The following CTTNBP2 variants were observed in gnomAD, a reference collection of about 807,000 sequenced individuals.
The protein encoded by CTTNBP2 is cortactin-binding protein 2.
A neutral mutation model predicts 156.9 loss-of-function variants in CTTNBP2; 108 were observed. The ratio of observed to expected loss-of-function variants is 0.69; its 90% CI spans 0.59 to 0.81. CTTNBP2 has a LOEUF of 0.81. CTTNBP2 is among the 30% of genes least tolerant of loss of function. The probability of loss-of-function intolerance (pLI) is 0.00; values close to 1 mark genes in which losing one functional copy is unlikely to be tolerated. For synonymous variants in CTTNBP2, 767 were observed against 751.8 expected (o/e 1.02, Z -0.33); for missense variants, 1,924 against 2,035.4 (o/e 0.95, Z 1.05).
At position 117,861,272 on chromosome 7, in the gene CTTNBP2, C is replaced by T. The variant is rs767966354; in HGVS notation, c.126G>A (p.Arg42=). 1 of 1,613,854 alleles carries T rather than the reference C, an allele frequency of 6.2e-7. No homozygotes were observed. The highest frequency in any genetic ancestry group is 8.5e-7 in the Non-Finnish European group (1 of 1,179,938). The change falls in exon 2 of 23, where the codon CGG becomes CGA. Residue 42 remains arginine, a synonymous_variant. Transcript: ENST00000160373. ...DVDTLSKSEL[R]MLLSVMEGEL... ...CCCCTTCCATCACGCTGAGGAGCAT[C>T]CGCAGCTCGGATTTACTGAGAGTAT...
At chr7:117,756,662 TG>T in intron 11 of CTTNBP2, 28 bp from the exon 12 acceptor site, 1 of 1,401,514 alleles carries the variant, frequency 7.1e-7, no homozygotes, top group Non-Finnish European at 1.0e-6. Flanking sequence ...CGAAGAAAAA[TG>T]GGTGTTCCCT....
chr7:117,740,939 G>A (rs906063141), intron 14 of CTTNBP2, among the ~76,000 whole-genome samples: 3 of 152,216 alleles, frequency 2.0e-5, no homozygotes, highest in Non-Finnish European at 4.4e-5. Flanking sequence ...TGGAGGTAGA[G>A]TGGGTTTTAG....
intron 2 of CTTNBP2, among the ~76,000 whole-genome samples, chr7:117,824,451 G>A (rs563425972): frequency 5.9e-5 from 9 of 151,946 alleles, no homozygotes; most frequent in Non-Finnish European, 1.0e-4. Context: ...ACTGGGTTCC[G>A]GGAGATCTTC....
chr7:117,767,033 A>T (rs770652872), intron 9 of CTTNBP2, 26 bp downstream of exon 9: 10 of 1,241,406 alleles, frequency 8.1e-6, no homozygotes, highest in African/African-American at 1.5e-5. Context: ...GGGAAAGATA[A>T]ACAATAAGCT....
At chr7:117,712,983 C>A (rs1289962418) in intron 22 of CTTNBP2, among the ~76,000 whole-genome samples, 1 of 152,172 alleles carries the variant, frequency 6.6e-6, no homozygotes, top group African/African-American at 2.4e-5. Context: ...CGGGGGCGAG[C>A]CAGTATTACC....
chr7:117,822,670 G>A (rs929019513), intron 2 of CTTNBP2, among the ~76,000 whole-genome samples: 21 of 152,104 alleles, frequency 1.4e-4, no homozygotes, highest in African/African-American at 2.2e-4. Flanking sequence ...GGAATTTTCC[G>A]AAATAGCTAA....
chr7:117,824,071 G>A (rs905970320), intron 2 of CTTNBP2, among the ~76,000 whole-genome samples: 2 of 151,280 alleles, frequency 1.3e-5, no homozygotes, highest in Admixed American at 6.6e-5. Context: ...ATGCTTAGGC[G>A]GTAACCCTCA....
At chr7:117,838,367 C>G (rs2117117850) in intron 2 of CTTNBP2, among the ~76,000 whole-genome samples, 1 of 152,222 alleles carries the variant, frequency 6.6e-6, no homozygotes, top group East Asian at 1.9e-4. Flanking sequence ...AGGCATGGCA[C>G]AAAACATGAG....
At chr7:117,819,244 G>A (rs1003948382) in intron 2 of CTTNBP2, among the ~76,000 whole-genome samples, 1 of 151,934 alleles carries the variant, frequency 6.6e-6, no homozygotes, top group Non-Finnish European at 1.5e-5. Context: ...TAAATAAAAG[G>A]GAATGGGAAG....
intron 1 of CTTNBP2, among the ~76,000 whole-genome samples, chr7:117,863,973 C>G (rs928335249): frequency 6.6e-6 from 1 of 152,076 alleles, no homozygotes; most frequent in South Asian, 2.1e-4. Flanking sequence ...GCTGGTTGCT[C>G]TAAAGATTTT....
chr7:117,805,314 G>A (rs1047631479), intron 3 of CTTNBP2, among the ~76,000 whole-genome samples: 1 of 152,092 alleles, frequency 6.6e-6, no homozygotes, highest in Non-Finnish European at 1.5e-5. Context: ...TAGCAGTAAG[G>A]AAGAAATACA....
intron 2 of CTTNBP2, among the ~76,000 whole-genome samples, chr7:117,830,391 A>T (rs762675313): frequency 1.3e-5 from 2 of 152,132 alleles, no homozygotes; most frequent in Non-Finnish European, 2.9e-5. Context: ...AAGGTCAAAA[A>T]ATTCATTAGC....
intron 19 of CTTNBP2, among the ~76,000 whole-genome samples, chr7:117,723,574 A>G (rs998352243): frequency 3.9e-5 from 6 of 152,166 alleles, no homozygotes; most frequent in East Asian, 1.9e-4. Flanking sequence ...GACATTTATA[A>G]TTTATATAAT....
At chr7:117,725,025 C>G in intron 18 of CTTNBP2, 27 bp downstream of exon 18, 3 of 1,601,114 alleles carry the variant, frequency 1.9e-6, no homozygotes, top group Admixed American at 1.7e-5. Context: ...TGTGAATTTC[C>G]TCTCCTCTCT....
At chr7:117,716,555 G>T (rs1234262369) in intron 22 of CTTNBP2, among the ~76,000 whole-genome samples, 1 of 152,046 alleles carries the variant, frequency 6.6e-6, no homozygotes, top group African/African-American at 2.4e-5. Flanking sequence ...GATAGCAAAG[G>T]GATGGGCCCT....
At chr7:117,857,388 C>T (rs977292667) in intron 2 of CTTNBP2, among the ~76,000 whole-genome samples, 1 of 152,118 alleles carries the variant, frequency 6.6e-6, no homozygotes, top group African/African-American at 2.4e-5. Flanking sequence ...ATATTGCAAT[C>T]TCTTAACATC....
At chr7:117,870,174 C>T (rs565716416) in intron 1 of CTTNBP2, among the ~76,000 whole-genome samples, 209 of 152,272 alleles carry the variant, frequency 1.4e-3, no homozygotes, top group Non-Finnish European at 2.5e-3. Context: ...GATTCCTTGG[C>T]GTATGTCAGT....
chr7:117,840,222 A>G (rs1299606497), intron 2 of CTTNBP2, among the ~76,000 whole-genome samples: 1 of 152,164 alleles, frequency 6.6e-6, no homozygotes. Context: ...AAGGGAGAAA[A>G]ATATCTTTTG....
chr7:117,801,738 C>T (rs928734544), intron 3 of CTTNBP2, among the ~76,000 whole-genome samples: 11 of 151,932 alleles, frequency 7.2e-5, no homozygotes, highest in Admixed American at 1.3e-4. Context: ...TGTGCGCTCA[C>T]GCATGTATGT....
Sources: allele counts gnomAD v4.1 joint callset (sites outside exome capture counted in the v4.1 genomes callset), GRCh38; gene constraint gnomAD v4.1.1; transcripts MANE v1.5; gene names NCBI Gene and HGNC (gene_info 2026-07-23, HGNC 2026-07-21).